Variants in SKP1 observed in about 807,000 individuals in gnomAD.
SKP1 encodes S-phase kinase associated protein 1.
In SKP1, 1 loss-of-function variant was observed where a neutral mutation model predicts 21.5. The observed-to-expected ratio is 0.05, with a 90% confidence interval of 0.02 to 0.22. The LOEUF (loss-of-function observed/expected upper bound fraction) is 0.22, where lower values mean the gene tolerates loss of function less well. SKP1 is among the 10% of genes least tolerant of loss of function. The pLI is 1.00. For missense variants in SKP1, 70 were observed against 192.0 expected (o/e 0.36, Z 3.76); for synonymous variants, 59 against 59.3 (o/e 0.99, Z 0.03).
Position 134,153,716 on chromosome 5 carries a change from A to T in SKP1, c.*4017T>A, listed in dbSNP as rs772966946. 3 of 152,218 alleles carry T rather than the reference A, an allele frequency of 2.0e-5. No homozygotes were observed. Among genetic ancestry groups the T allele is most frequent in the Non-Finnish European group, 4.4e-5 (3 of 68,038 alleles). The allele number at this position is 152,218 out of a possible 1,614,324, so 9.4% of individuals were successfully genotyped here. ...CCTTATTGAGAGCCTAGGCAAATTA[A>T]CTTAAACAAAATTTATGTTGGGATC... On this transcript the variant is annotated 3_prime_UTR_variant, in exon 6 of 6. Transcript: ENST00000353411.
At chr5:134,172,770 T>TG (rs1359531625) in intron 2 of SKP1, among the ~76,000 whole-genome samples, 4 of 152,036 alleles carry the variant, frequency 2.6e-5, no homozygotes, top group Non-Finnish European at 4.4e-5. Context: ...CCCAGCACTT[T>TG]GGGAGCCTCA....
intron 2 of SKP1, among the ~76,000 whole-genome samples, chr5:134,168,656 T>C (rs1447342895): frequency 6.6e-6 from 1 of 151,894 alleles, no homozygotes; most frequent in South Asian, 2.1e-4. Context: ...GCTAAGGAGG[T>C]GGTAAGAAAT....
intron 3 of SKP1, 73 bp downstream of exon 3, chr5:134,167,094 ATTG>A: frequency 1.4e-6 from 1 of 729,698 alleles, no homozygotes; most frequent in Non-Finnish European, 2.4e-6. Context: ...TCTAACATAG[ATTG>A]TTGAATTACT....
At position 134,167,215 on chromosome 5, in the gene SKP1, A is replaced by T; in HGVS notation, c.126T>A (p.Asp42Glu). The change falls in exon 3 of 6, where the codon GAT becomes GAA. Residue 42 changes from aspartate to glutamate, a missense_variant. Transcript: ENST00000353411. ...TCACATTTGGTAGAGGAACTGGGTC[A>T]TCATCTCCTTCATCATCCATTCCCA... ...EDLGMDDEGD[D>E]DPVPLPNVNA... The T allele has an allele frequency of 6.2e-7, 1 of 1,605,132 alleles. No homozygotes were observed. The highest frequency in any genetic ancestry group is 1.1e-5 in the South Asian group (1 of 90,800).
At chr5:134,159,128 C>T (rs559335048) in intron 4 of SKP1, among the ~76,000 whole-genome samples, 1 of 152,226 alleles carries the variant, frequency 6.6e-6, no homozygotes, top group African/African-American at 2.4e-5. Context: ...AACTTTTCTT[C>T]TTTTCTAATA....
chr5:134,161,185 C>CA (rs1428106443), intron 3 of SKP1, 55 bp from the exon 4 acceptor site: 1 of 1,460,256 alleles, frequency 6.8e-7, no homozygotes, highest in Admixed American at 2.0e-5. Flanking sequence ...GTACTCATTC[C>CA]ACTGCTGGGA....
At chr5:134,164,322 G>GAAAAAAAAAAAA (rs55637997) in intron 3 of SKP1, among the ~76,000 whole-genome samples, 4 of 122,128 alleles carry the variant, frequency 3.3e-5, no homozygotes, top group African/African-American at 9.5e-5. Flanking sequence ...TCCATCTCAA[G>GAAAAAAAAAAAA]AAAAAAAAAA....
chr5:134,151,950 A>G lies in SKP1; in HGVS notation c.*5783T>C, dbSNP rs9327678. ...CTGATGCCTCAGCAGAAAGGATAAC[A>G]TTCAGCCAATCCTGCTTAGGTGTCC... On this transcript the variant is annotated 3_prime_UTR_variant, in exon 6 of 6. Transcript: ENST00000353411. 0.03 allele frequency: 8,509 copies of G among 281,472 alleles called. 544 individuals carry two copies. The highest frequency in any genetic ancestry group is 0.15 in the African/African-American group (6,986 of 45,870). 17.4% of individuals were successfully genotyped at this position (281,472 alleles called of 1,614,324 possible).
In SKP1 at chr5:134,155,534, A is replaced by G. The variant is rs1038712820; in HGVS notation, c.*2199T>C. On this transcript the variant is annotated 3_prime_UTR_variant, in exon 6 of 6. Coordinates refer to ENST00000353411, the MANE Select transcript of SKP1 (RefSeq NM_170679.3). ...TTGTTGTTTGTTTAGGGACTACAGA[A>G]AGTCAGGAAACAAAAATTTAAATTA... is the stretch of plus-strand genomic sequence containing the variant. 1.3e-5 allele frequency: 2 copies of G among 152,210 alleles called. No homozygotes were observed. The highest frequency in any genetic ancestry group is 4.8e-5 in the African/African-American group (2 of 41,446). The allele number at this position is 152,210 out of a possible 1,614,324, so 9.4% of individuals were successfully genotyped here.
At chr5:134,157,897 A>C in intron 5 of SKP1, 129 bp from the exon 6 acceptor site, 1 of 1,587,182 alleles carries the variant, frequency 6.3e-7, no homozygotes, top group Non-Finnish European at 8.6e-7. Flanking sequence ...TTAGAACAAC[A>C]CCAGGTTAAG....
chr5:134,163,507 C>T (rs1006311065), intron 3 of SKP1, among the ~76,000 whole-genome samples: 20 of 150,904 alleles, frequency 1.3e-4, no homozygotes, highest in South Asian at 4.2e-4. Context: ...AAAAACTTCT[C>T]GGCTGGGTGT....
chr5:134,162,297 G>A (rs1761234632), intron 3 of SKP1, among the ~76,000 whole-genome samples: 1 of 152,090 alleles, frequency 6.6e-6, no homozygotes, highest in Admixed American at 6.5e-5. Flanking sequence ...TAGAGATAAG[G>A]TTTCATCATG....
chr5:134,156,783 C>G lies in SKP1; in HGVS notation c.*950G>C, dbSNP rs147725001. 1 of 152,578 alleles carries G rather than the reference C, an allele frequency of 6.6e-6. No homozygotes were observed. Among genetic ancestry groups the G allele is most frequent in the African/African-American group, 2.4e-5 (1 of 41,458 alleles). 9.5% of individuals were successfully genotyped at this position (152,578 alleles called of 1,614,324 possible). ...AGCCTCCAGTGAGCTAGGATATAAA[C>G]TAAGTCTTTTCAAGCTGAACAAATA... is the stretch of plus-strand genomic sequence containing the variant. On this transcript the variant is annotated 3_prime_UTR_variant, in exon 6 of 6. Transcript: ENST00000353411.
chr5:134,160,025 T>C (rs1276342049), intron 4 of SKP1, among the ~76,000 whole-genome samples: 1 of 151,944 alleles, frequency 6.6e-6, no homozygotes, highest in Non-Finnish European at 1.5e-5. Flanking sequence ...TTTGGTAATA[T>C]ACACTTGAAA....
intron 3 of SKP1, among the ~76,000 whole-genome samples, chr5:134,162,320 G>A (rs142429252): frequency 6.6e-6 from 1 of 152,274 alleles, no homozygotes; most frequent in East Asian, 1.9e-4. Context: ...GCAAACTCCT[G>A]AACTCAAGCA....
intron 3 of SKP1, among the ~76,000 whole-genome samples, chr5:134,163,280 A>G (rs1352878766): frequency 6.6e-6 from 1 of 151,062 alleles, no homozygotes; most frequent in African/African-American, 2.4e-5. Context: ...AAAAACTCTT[A>G]AAAGGATATA....
chr5:134,169,551 G>A (rs1296938232), intron 2 of SKP1, among the ~76,000 whole-genome samples: 1 of 152,228 alleles, frequency 6.6e-6, no homozygotes, highest in Admixed American at 6.5e-5. Context: ...AATTTGGAAC[G>A]AGGCTTAACT....
chr5:134,175,662 T>C (rs972148555), intron 1 of SKP1: 21 of 152,204 alleles, frequency 1.4e-4, no homozygotes, highest in South Asian at 6.2e-4. Flanking sequence ...AGTTTGTGGA[T>C]TGGGTTACTC....
intron 5 of SKP1, chr5:134,158,181 G>A (rs1046720666): frequency 3.2e-5 from 44 of 1,392,216 alleles, no homozygotes; most frequent in Non-Finnish European, 4.1e-5. Context: ...GGTCTATACA[G>A]AAAGTTGCAG....
Sources: gnomAD v4.1 joint callset for allele counts (sites outside exome capture counted in the v4.1 genomes callset) on GRCh38, gnomAD v4.1.1 for gene constraint, MANE v1.5 for transcripts, NCBI Gene and HGNC (gene_info 2026-07-23, HGNC 2026-07-21) for gene names.